ROBO2: variants seen among roughly 807,000 people sequenced by gnomAD.
The protein encoded by ROBO2 is roundabout guidance receptor 2.
ROBO2 carries 53 observed loss-of-function variants against 160.8 expected under a neutral mutation model. The observed-to-expected ratio is 0.33, with a 90% CI of 0.26 to 0.41. The LOEUF is 0.41. Ranked by LOEUF, ROBO2 falls within the 10% of genes least tolerant of loss-of-function variation. ROBO2 has a pLI of 1.00. For missense variants in ROBO2, 1,577 were observed against 1,722.4 expected, an observed-to-expected ratio of 0.92 and a Z score of 1.49; for synonymous variants, 664 against 611.7, an observed-to-expected ratio of 1.09 and a Z score of -1.26.
In ROBO2 at chr3:77,328,076, A is replaced by AG. The variant is rs1553911250; in HGVS notation, c.389-149338_389-149337insG. On this transcript the variant is annotated intron_variant, in intron 2 of 25. Transcript: ENST00000461745. The stretch of plus-strand genomic sequence containing the variant: ...AGACCGTATCTCAAAAAAAAAAAAA[A>AG]AAAAGAAAAGAAAAAAAAAGGAACA... 2.3e-3 allele frequency among the ~76,000 whole-genome samples: 341 copies of AG among 149,108 alleles called. 1 individual carries two copies. Among genetic ancestry groups the AG allele is most frequent in the Admixed American group, 7.1e-3 (105 of 14,810 alleles).
chr3:76,410,034 A>C (rs1406721495), intron 2 of ROBO2, among the ~76,000 whole-genome samples: 1 of 152,038 alleles, frequency 6.6e-6, no homozygotes, highest in Non-Finnish European at 1.5e-5. Context: ...CAAAAGGCAA[A>C]ATTTTTGTTT....
intron 2 of ROBO2, among the ~76,000 whole-genome samples, chr3:77,105,620 G>A (rs192590869): frequency 1.1e-4 from 16 of 152,248 alleles, no homozygotes; most frequent in Non-Finnish European, 2.2e-4. Flanking sequence ...TGGGGAACGT[G>A]TATGAATTTG....
At chr3:76,428,544 T>C (rs2076310209) in intron 2 of ROBO2, among the ~76,000 whole-genome samples, 1 of 152,146 alleles carries the variant, frequency 6.6e-6, no homozygotes, top group South Asian at 2.1e-4. Flanking sequence ...CATGATACTA[T>C]GAAAATACTT....
chr3:76,815,232 A>G (rs761336786), intron 2 of ROBO2, among the ~76,000 whole-genome samples: 1 of 152,062 alleles, frequency 6.6e-6, no homozygotes, highest in Non-Finnish European at 1.5e-5. Context: ...TTAACAGTCA[A>G]CAAAGAATAA....
chr3:76,580,023 A>T (rs1391821888), intron 2 of ROBO2, among the ~76,000 whole-genome samples: 1 of 152,096 alleles, frequency 6.6e-6, no homozygotes, highest in Non-Finnish European at 1.5e-5. Flanking sequence ...CCACCTAAAG[A>T]GGTCCCCAAC....
chr3:77,447,798 T>C (rs2080711653), intron 2 of ROBO2, among the ~76,000 whole-genome samples: 2 of 152,162 alleles, frequency 1.3e-5, no homozygotes, highest in Admixed American at 1.3e-4. Flanking sequence ...CCATATATGT[T>C]AAACCTTCAT....
At chr3:76,745,883 G>A (rs1213324966) in intron 2 of ROBO2, among the ~76,000 whole-genome samples, 1 of 149,676 alleles carries the variant, frequency 6.7e-6, no homozygotes. Flanking sequence ...TGCACAATGT[G>A]CAGGTTAGTT....
chr3:77,010,108 C>T (rs901558796), intron 2 of ROBO2, among the ~76,000 whole-genome samples: 3 of 152,038 alleles, frequency 2.0e-5, no homozygotes, highest in Non-Finnish European at 4.4e-5. Context: ...TCCAAAGTAT[C>T]AGATTTTAGG....
At chr3:76,600,251 C>G (rs537767406) in intron 2 of ROBO2, among the ~76,000 whole-genome samples, 1 of 152,250 alleles carries the variant, frequency 6.6e-6, no homozygotes, top group African/African-American at 2.4e-5. Flanking sequence ...CAGTTTCAAT[C>G]TTCTGCATAT....
At chr3:76,370,168 T>G (rs1006032882) in intron 2 of ROBO2, among the ~76,000 whole-genome samples, 1 of 151,900 alleles carries the variant, frequency 6.6e-6, no homozygotes, top group African/African-American at 2.4e-5. Context: ...AATAAATTTT[T>G]CTTTTTTTTT....
At chr3:76,788,906 C>T (rs571710523) in intron 2 of ROBO2, among the ~76,000 whole-genome samples, 35 of 151,648 alleles carry the variant, frequency 2.3e-4, no homozygotes, top group Middle Eastern at 3.4e-3. Flanking sequence ...CCTATTATAG[C>T]AAATGATTAG....
chr3:76,542,612 G>A (rs1381407798), intron 2 of ROBO2, among the ~76,000 whole-genome samples: 2 of 152,086 alleles, frequency 1.3e-5, no homozygotes, highest in Non-Finnish European at 2.9e-5. Flanking sequence ...CTTATTGTGA[G>A]CCTGGACCAG....
At chr3:75,926,813 A>C (rs1468789478) in intron 1 of ROBO2, among the ~76,000 whole-genome samples, 1 of 152,218 alleles carries the variant, frequency 6.6e-6, no homozygotes, top group Admixed American at 6.5e-5. Context: ...GAGTCATTAC[A>C]CTTGGCCCTA....
intron 2 of ROBO2, among the ~76,000 whole-genome samples, chr3:77,109,545 A>C (rs2073297394): frequency 6.6e-6 from 1 of 152,198 alleles, no homozygotes; most frequent in African/African-American, 2.4e-5. Flanking sequence ...AATACAGAGG[A>C]GAAGGAGGCT....
chr3:76,605,107 T>C (rs1578475999), intron 2 of ROBO2, among the ~76,000 whole-genome samples: 1 of 152,294 alleles, frequency 6.6e-6, no homozygotes, highest in East Asian at 1.9e-4. Flanking sequence ...TGGAAAAATA[T>C]ATACTGATTA....
chr3:76,292,093 T>C (rs542586702), intron 2 of ROBO2, among the ~76,000 whole-genome samples: 1 of 152,308 alleles, frequency 6.6e-6, no homozygotes, highest in South Asian at 2.1e-4. Context: ...ATCTGTCTAA[T>C]GTCGTCGGTA....
At chr3:76,842,096 G>A (rs1411225577) in intron 2 of ROBO2, among the ~76,000 whole-genome samples, 1 of 152,196 alleles carries the variant, frequency 6.6e-6, no homozygotes, top group Non-Finnish European at 1.5e-5. Context: ...TGCCACAATC[G>A]TGTTGTTATA....
chr3:77,237,411 T>TTGTGTGTGTATGTGTGTGTGTGTGTG (rs1553862750), intron 2 of ROBO2, among the ~76,000 whole-genome samples: 1 of 131,046 alleles, frequency 7.6e-6, no homozygotes, highest in African/African-American at 2.8e-5. Flanking sequence ...TTGTTTTGTT[T>TTGTGTGTGTATGTGTGTGTGTGTGTG]TGTGTGTGTG....
chr3:76,964,404 G>A (rs1226838223), intron 2 of ROBO2, among the ~76,000 whole-genome samples: 4 of 152,162 alleles, frequency 2.6e-5, no homozygotes, highest in East Asian at 1.9e-4. Flanking sequence ...GCGCAGTGGC[G>A]TGATCTCAGC....
Sources: gnomAD v4.1 joint callset for allele counts (sites outside exome capture counted in the v4.1 genomes callset) on GRCh38, gnomAD v4.1.1 for gene constraint, MANE v1.5 for transcripts, NCBI Gene and HGNC (gene_info 2026-07-23, HGNC 2026-07-21) for gene names.